The following ASIC2 variants were observed in gnomAD, a reference collection of about 807,000 sequenced individuals.
The protein encoded by ASIC2 is acid-sensing ion channel 2.
Under a neutral mutation model 57.3 loss-of-function variants are expected in ASIC2, and 25 were observed. That is an observed-to-expected ratio of 0.44 (90% confidence interval 0.32 to 0.61). The LOEUF (loss-of-function observed/expected upper bound fraction) is 0.61, where lower values mean the gene tolerates loss of function less well. Among genes scored for constraint, ASIC2 ranks in the 20% least tolerant of loss-of-function variants. The pLI, the probability that ASIC2 is intolerant of heterozygous loss-of-function variation, is 0.06. For missense variants in ASIC2, 641 were observed against 738.1 expected (o/e 0.87, Z 1.52); for synonymous variants, 319 against 307.5 (o/e 1.04, Z -0.39).
At chr17:33,443,405 G>GTTTTTTTTTTT (rs1567862521) in intron 1 of ASIC2, among the ~76,000 whole-genome samples, 1 of 99,480 alleles carries the variant, frequency 1.0e-5, no homozygotes. Flanking sequence ...TGGAGGGTAA[G>GTTTTTTTTTTT]ATTTTTTTTT....
intron 1 of ASIC2, among the ~76,000 whole-genome samples, chr17:33,820,081 C>T (rs1912701465): frequency 6.6e-6 from 1 of 152,166 alleles, no homozygotes; most frequent in African/African-American, 2.4e-5. Flanking sequence ...CAACTACTGT[C>T]CACATGTAGC....
intron 1 of ASIC2, among the ~76,000 whole-genome samples, chr17:33,161,659 G>A (rs2142039650): frequency 6.6e-6 from 1 of 152,230 alleles, no homozygotes; most frequent in Non-Finnish European, 1.5e-5. Context: ...TATACTTGAA[G>A]TCTAGAACAG....
At chr17:33,442,036 T>TC (rs1049242961) in intron 1 of ASIC2, among the ~76,000 whole-genome samples, 9 of 152,096 alleles carry the variant, frequency 5.9e-5, no homozygotes, top group Admixed American at 3.3e-4. Context: ...AACCCATACT[T>TC]CCCCCCCAAA....
Position 33,112,046 on chromosome 17 carries a change from A to G in ASIC2, c.730T>C (p.Cys244Arg). Reference sequence around the variant, plus strand: ...TCCTCGCCTGAGTTAAACATGTAACACTTCCCATATTTTGTAAACACCTGA... The same window carrying G: ...TCCTCGCCTGAGTTAAACATGTAACGCTTCCCATATTTTGTAAACACCTGA... ...FSSVFTKYGK[C>R]YMFNSGEDGK... The change falls in exon 2 of 10, where the codon TGT (cysteine) becomes CGT (arginine). Residue 244 changes from cysteine to arginine, a missense_variant. Physicochemically the swap from Cys to Arg is radical, Grantham distance 180. Coordinates refer to ENST00000225823, the MANE Select transcript of ASIC2 (RefSeq NM_183377.2). The G allele has an allele frequency of 6.2e-7, 1 of 1,613,746 alleles. No individual in the cohort carries two copies. Among genetic ancestry groups the G allele is most frequent in the Non-Finnish European group, 8.5e-7 (1 of 1,179,878 alleles).
At chr17:34,106,870 A>G (rs1373892605) in intron 1 of ASIC2, among the ~76,000 whole-genome samples, 1 of 152,152 alleles carries the variant, frequency 6.6e-6, no homozygotes, top group African/African-American at 2.4e-5. Context: ...GAGAAATGGT[A>G]GTAGAGACAA....
chr17:33,892,270 G>T (rs758966259), intron 1 of ASIC2, among the ~76,000 whole-genome samples: 2 of 152,176 alleles, frequency 1.3e-5, no homozygotes, highest in Non-Finnish European at 2.9e-5. Flanking sequence ...TGGGGAAGGA[G>T]AAATATTAGG....
At chr17:33,647,172 A>G (rs1567678606) in intron 1 of ASIC2, among the ~76,000 whole-genome samples, 1 of 152,174 alleles carries the variant, frequency 6.6e-6, no homozygotes, top group Non-Finnish European at 1.5e-5. Context: ...GGGTGGCTAC[A>G]ACATCTTGCT....
chr17:33,571,112 G>A (rs182602484), intron 1 of ASIC2, among the ~76,000 whole-genome samples: 1 of 152,100 alleles, frequency 6.6e-6, no homozygotes, highest in African/African-American at 2.4e-5. Context: ...CCCCAGAAGC[G>A]TACACCATTC....
chr17:33,709,537 G>A (rs1486376929), intron 1 of ASIC2, among the ~76,000 whole-genome samples: 1 of 152,184 alleles, frequency 6.6e-6, no homozygotes, highest in African/African-American at 2.4e-5. Context: ...TCACTCATGT[G>A]GCACTGTGAT....
chr17:33,287,202 G>A (rs1231821817), intron 1 of ASIC2, among the ~76,000 whole-genome samples: 1 of 152,200 alleles, frequency 6.6e-6, no homozygotes, highest in African/African-American at 2.4e-5. Flanking sequence ...CTCCGAGGCA[G>A]GAATTATTAC....
chr17:33,318,343 A>G (rs1289419412), intron 1 of ASIC2, among the ~76,000 whole-genome samples: 2 of 152,148 alleles, frequency 1.3e-5, no homozygotes, highest in Non-Finnish European at 2.9e-5. Flanking sequence ...GCCTGCTACC[A>G]CTGAGCCTGT....
intron 1 of ASIC2, among the ~76,000 whole-genome samples, chr17:33,911,498 C>G (rs576380860): frequency 6.6e-6 from 1 of 152,302 alleles, no homozygotes; most frequent in East Asian, 1.9e-4. Flanking sequence ...CTGAAGTAGG[C>G]AGGGGAAGAA....
intron 1 of ASIC2, among the ~76,000 whole-genome samples, chr17:33,663,819 C>T (rs1907380689): frequency 6.6e-6 from 1 of 152,148 alleles, no homozygotes; most frequent in Non-Finnish European, 1.5e-5. Context: ...ACTCCACTGC[C>T]TGCTCTCATT....
At chr17:33,841,116 G>A (rs959535353) in intron 1 of ASIC2, among the ~76,000 whole-genome samples, 6 of 152,206 alleles carry the variant, frequency 3.9e-5, no homozygotes, top group African/African-American at 1.4e-4. Flanking sequence ...ATAATTAGCT[G>A]TTCTGGTTTA....
intron 1 of ASIC2, among the ~76,000 whole-genome samples, chr17:33,173,968 T>C (rs932624129): frequency 2.0e-5 from 3 of 152,150 alleles, no homozygotes; most frequent in African/African-American, 7.2e-5. Context: ...CCTGGTGCCA[T>C]AGAGGCCCCA....
chr17:33,752,696 A>G (rs974783879), intron 1 of ASIC2, among the ~76,000 whole-genome samples: 3 of 152,196 alleles, frequency 2.0e-5, no homozygotes, highest in African/African-American at 7.2e-5. Flanking sequence ...AGTATACAAA[A>G]AGATGCTCCA....
intron 1 of ASIC2, among the ~76,000 whole-genome samples, chr17:34,126,650 CGG>C (rs1911789659): frequency 6.6e-6 from 1 of 152,148 alleles, no homozygotes; most frequent in Non-Finnish European, 1.5e-5. Flanking sequence ...GCAGTACCAC[CGG>C]CCTGCTGCTT....
chr17:34,035,621 G>A lies in ASIC2; in HGVS notation c.555+120357C>T, dbSNP rs942620308. On this transcript the variant is annotated intron_variant, in intron 1 of 9. Transcript: ENST00000359872. Reference sequence around the variant, plus strand: ...ACCTACAGAACAGGAAAAAATTTTTGCAACCTACTCATCTGACAAAGGGCT... The same window carrying A: ...ACCTACAGAACAGGAAAAAATTTTTACAACCTACTCATCTGACAAAGGGCT... 3.3e-5 allele frequency among the ~76,000 whole-genome samples: 5 copies of A among 152,076 alleles called. No individual in the cohort carries two copies. The South Asian group carries it at 6.2e-4, about 19-fold the overall frequency.
At chr17:33,315,515 C>T (rs977684490) in intron 1 of ASIC2, among the ~76,000 whole-genome samples, 5 of 152,296 alleles carry the variant, frequency 3.3e-5, no homozygotes, top group African/African-American at 7.2e-5. Flanking sequence ...AAGTACATAT[C>T]GTGATTGGGC....
Sources: gnomAD v4.1 joint callset for allele counts (sites outside exome capture counted in the v4.1 genomes callset) on GRCh38, gnomAD v4.1.1 for gene constraint, MANE v1.5 for transcripts, NCBI Gene and HGNC (gene_info 2026-07-23, HGNC 2026-07-21) for gene names.